Variants in SPMIP7 observed in about 807,000 individuals in gnomAD.
The protein encoded by SPMIP7 is sperm microtubule inner protein 7.
At chr7:50,116,598 C>A in the SPMIP7 span, among the ~76,000 whole-genome samples, 1 of 152,066 alleles carries the variant, frequency 6.6e-6, no homozygotes, top group Non-Finnish European at 1.5e-5. Flanking sequence ...AAATCTAAAA[C>A]CTAAATAGAC....
chr7:50,139,349 CA>C, the SPMIP7 span, among the ~76,000 whole-genome samples: 9,751 of 96,342 alleles, frequency 0.1, 306 homozygotes, highest in Non-Finnish European at 0.11. Context: ...GGCACCATCT[CA>C]AAAAAAAAAA....
At chr7:50,136,074 A>G in the SPMIP7 span, 13 of 1,524,400 alleles carry the variant, frequency 8.5e-6, 1 homozygote, top group Non-Finnish European at 1.2e-5. Context: ...ATTAACTGTC[A>G]TTGATTTTGA....
chr7:50,101,100 T>C, the SPMIP7 span, among the ~76,000 whole-genome samples: 2 of 152,238 alleles, frequency 1.3e-5, no homozygotes, highest in Non-Finnish European at 2.9e-5. Flanking sequence ...ATTCACCCTG[T>C]TCCTGTGTGT....
the SPMIP7 span, among the ~76,000 whole-genome samples, chr7:50,133,524 T>C: frequency 3.9e-5 from 6 of 152,224 alleles, no homozygotes; most frequent in South Asian, 1.2e-3. Flanking sequence ...TGTATGTAAG[T>C]TTTCTACTTC....
At chr7:50,151,634 G>T in the SPMIP7 span, 1 of 1,004,140 alleles carries the variant, frequency 1.0e-6, no homozygotes, top group Non-Finnish European at 1.4e-6. Flanking sequence ...TTCCATTAAA[G>T]AACAATTAAA....
chr7:50,158,998 A>G, the SPMIP7 span: 5 of 1,540,236 alleles, frequency 3.2e-6, no homozygotes, highest in Non-Finnish European at 4.4e-6. Flanking sequence ...GTATTTGTAC[A>G]TGTCTTTTAT....
chr7:50,122,827 C>A, the SPMIP7 span, among the ~76,000 whole-genome samples: 1 of 152,336 alleles, frequency 6.6e-6, no homozygotes. Flanking sequence ...TGCTCATCAT[C>A]ACTGGCCATC....
chr7:50,117,846 T>G, the SPMIP7 span, among the ~76,000 whole-genome samples: 2 of 152,176 alleles, frequency 1.3e-5, no homozygotes, highest in Non-Finnish European at 1.5e-5. Context: ...TACATGCTTT[T>G]GGAGTAGTCC....
chr7:50,097,299 A>G, the SPMIP7 span, among the ~76,000 whole-genome samples: 1 of 152,254 alleles, frequency 6.6e-6, no homozygotes, highest in African/African-American at 2.4e-5. Flanking sequence ...TAAAAAGATC[A>G]ACATTTTTAG....
At chr7:50,102,887 A>C in the SPMIP7 span, among the ~76,000 whole-genome samples, 1 of 151,232 alleles carries the variant, frequency 6.6e-6, no homozygotes, top group Non-Finnish European at 1.5e-5. Context: ...ATTAAAGGTT[A>C]GGAAAATGAA....
chr7:50,126,955 T>C, the SPMIP7 span, among the ~76,000 whole-genome samples: 4 of 152,124 alleles, frequency 2.6e-5, no homozygotes, highest in South Asian at 8.3e-4. Context: ...GCCAAAGCAA[T>C]GCTGTGCAAA....
the SPMIP7 span, chr7:50,140,069 A>G: frequency 9.6e-7 from 1 of 1,043,140 alleles, no homozygotes; most frequent in South Asian, 1.7e-5. Context: ...TAATTAGAGA[A>G]ATACTGTAAT....
At chr7:50,128,172 A>T in the SPMIP7 span, among the ~76,000 whole-genome samples, 1 of 151,998 alleles carries the variant, frequency 6.6e-6, no homozygotes, top group Non-Finnish European at 1.5e-5. Context: ...ACCAACGTGG[A>T]TGGAACTGGA....
At chr7:50,130,491 C>A in the SPMIP7 span, among the ~76,000 whole-genome samples, 1 of 152,134 alleles carries the variant, frequency 6.6e-6, no homozygotes, top group Middle Eastern at 3.4e-3. Context: ...TGGCCCCACC[C>A]TACACAGGTA....
At chr7:50,124,299 G>GT in the SPMIP7 span, among the ~76,000 whole-genome samples, 1 of 152,098 alleles carries the variant, frequency 6.6e-6, no homozygotes, top group Non-Finnish European at 1.5e-5. Flanking sequence ...ACCTTAGGGG[G>GT]TTTTAACATC....
chr7:50,104,401 C>T, the SPMIP7 span: 1 of 1,504,088 alleles, frequency 6.6e-7, no homozygotes, highest in African/African-American at 1.4e-5. Flanking sequence ...GATGAGGAGG[C>T]AACATGTACA....
the SPMIP7 span, among the ~76,000 whole-genome samples, chr7:50,153,990 C>T: frequency 1.3e-5 from 2 of 152,112 alleles, no homozygotes; most frequent in Non-Finnish European, 2.9e-5. Context: ...TCTCTCCAGG[C>T]CATTTGATGA....
At chr7:50,133,623 G>T in the SPMIP7 span, among the ~76,000 whole-genome samples, 1 of 152,126 alleles carries the variant, frequency 6.6e-6, no homozygotes, top group Non-Finnish European at 1.5e-5. Flanking sequence ...TGGGTTTACT[G>T]TTTAGGGTTC....
chr7:50,129,125 G>C, the SPMIP7 span, among the ~76,000 whole-genome samples: 3 of 151,610 alleles, frequency 2.0e-5, no homozygotes, highest in African/African-American at 7.3e-5. Flanking sequence ...CATAGAACTA[G>C]AAAAAGTTTA....
Sources: allele counts gnomAD v4.1 joint callset (sites outside exome capture counted in the v4.1 genomes callset), GRCh38; gene constraint gnomAD v4.1.1; transcripts MANE v1.5; gene names NCBI Gene and HGNC (gene_info 2026-07-23, HGNC 2026-07-21).